The following CCDC167 variants were observed in gnomAD, a reference collection of about 807,000 sequenced individuals.
The protein encoded by CCDC167 is coiled-coil domain-containing protein 167.
In CCDC167, 15 loss-of-function variants were observed where a neutral mutation model predicts 12.7. That is an observed-to-expected ratio of 1.18 (90% CI 0.79 to 1.81). CCDC167 has a LOEUF of 1.81. CCDC167 is among the 40% of genes most tolerant of loss of function. The pLI is 0.00. For synonymous variants in CCDC167, 52 were observed against 49.0 expected, an observed-to-expected ratio of 1.06 and a Z score of -0.26; for missense variants, 121 against 120.1, an observed-to-expected ratio of 1.01 and a Z score of -0.03.
At chr6:37,498,544 G>A (rs561143818) in intron 1 of CCDC167, among the ~76,000 whole-genome samples, 111 of 151,040 alleles carry the variant, frequency 7.3e-4, no homozygotes, top group African/African-American at 1.9e-3. Flanking sequence ...GATTCTGGCC[G>A]GCTGTGGTGG....
chr6:37,493,698 T>C (rs1485109192), intron 1 of CCDC167, among the ~76,000 whole-genome samples: 1 of 152,212 alleles, frequency 6.6e-6, no homozygotes, highest in African/African-American at 2.4e-5. Context: ...AGGTGGCGTC[T>C]AACCGCCTGC....
At chr6:37,498,155 T>A (rs1409756355) in intron 1 of CCDC167, among the ~76,000 whole-genome samples, 1 of 152,158 alleles carries the variant, frequency 6.6e-6, no homozygotes. Context: ...ATAATGAGGA[T>A]CAACTGTAGT....
chr6:37,490,851 C>G (rs951835121), intron 1 of CCDC167, among the ~76,000 whole-genome samples: 2 of 152,078 alleles, frequency 1.3e-5, no homozygotes, highest in Non-Finnish European at 2.9e-5. Flanking sequence ...CCCTGAGAGC[C>G]CATCAGACAG....
chr6:37,499,730 T>C lies in CCDC167; in HGVS notation c.42+92A>G. Reference sequence around the variant, plus strand: ...GTCGCCCTCTCATCCTACGCTTGGCTCCTCCTCCTATCTATAGCCCAGCCT... The same window carrying C: ...GTCGCCCTCTCATCCTACGCTTGGCCCCTCCTCCTATCTATAGCCCAGCCT... On this transcript the variant is annotated intron_variant, in intron 1 of 3. Coordinates refer to ENST00000373408, the MANE Select transcript of CCDC167 (RefSeq NM_138493.3). The C allele has an allele frequency of 2.9e-6, 4 of 1,400,028 alleles. No homozygotes were observed. In the South Asian group the frequency reaches 3.5e-5, roughly 12 times the overall value. The allele number at this position is 1,400,028 out of a possible 1,614,324, so 86.7% of individuals were successfully genotyped here. A position where few individuals can be genotyped will look rare whatever the true frequency, so the allele number is the denominator to read the frequency against.
intron 3 of CCDC167, among the ~76,000 whole-genome samples, chr6:37,483,797 T>C (rs986032075): frequency 2.6e-5 from 4 of 152,184 alleles, no homozygotes; most frequent in African/African-American, 9.7e-5. Context: ...GAGCAGAATC[T>C]AGGGACGCTA....
In CCDC167 at chr6:37,490,799, C is replaced by T. The variant is rs370482714; in HGVS notation, c.43-5605G>A. On this transcript the variant is annotated intron_variant, in intron 1 of 3. Coordinates refer to ENST00000373408, the MANE Select transcript of CCDC167 (RefSeq NM_138493.3). ...CAGGTGCCAAGAGCAGAAAGGGCTT[C>T]TTCATGCCCAGCGGCAGGGGCAGGG... is the stretch of plus-strand genomic sequence containing the variant. Among the ~76,000 whole-genome samples, 11 of 152,240 alleles carry T rather than the reference C, an allele frequency of 7.2e-5. No homozygotes were observed. The South Asian group carries it at 8.3e-4, about 11-fold the overall frequency.
At chr6:37,489,494 G>A (rs1219785868) in intron 1 of CCDC167, among the ~76,000 whole-genome samples, 2 of 152,222 alleles carry the variant, frequency 1.3e-5, no homozygotes, top group Non-Finnish European at 2.9e-5. Flanking sequence ...AAGCTGGGGT[G>A]GGCCTCTGGA....
intron 2 of CCDC167, 57 bp from the exon 3 acceptor site, chr6:37,484,919 G>GT (rs1761921794): frequency 6.2e-7 from 1 of 1,606,312 alleles, no homozygotes; most frequent in Non-Finnish European, 8.5e-7. Context: ...CCACCCGAGG[G>GT]GCAGCTGGCA....
chr6:37,490,847 GA>G (rs1347029271), intron 1 of CCDC167, among the ~76,000 whole-genome samples: 1 of 152,094 alleles, frequency 6.6e-6, no homozygotes, highest in African/African-American at 2.4e-5. Context: ...GCCTCCCTGA[GA>G]GCCCATCAGA....
intron 3 of CCDC167, among the ~76,000 whole-genome samples, chr6:37,484,011 G>A (rs1371813659): frequency 6.6e-6 from 1 of 152,224 alleles, no homozygotes; most frequent in African/African-American, 2.4e-5. Flanking sequence ...ATCCCTGTCT[G>A]TGCTGGGCAG....
At chr6:37,487,774 A>G (rs529376130) in intron 1 of CCDC167, among the ~76,000 whole-genome samples, 2 of 152,360 alleles carry the variant, frequency 1.3e-5, no homozygotes, top group South Asian at 4.1e-4. Flanking sequence ...CTCTGGGCAG[A>G]GCCTGCGGAG....
intron 3 of CCDC167, 23 bp from the exon 4 acceptor site, chr6:37,483,312 G>A: frequency 6.5e-7 from 1 of 1,542,990 alleles, no homozygotes. Context: ...AGGGTGATAG[G>A]GATAGGACAG....
intron 1 of CCDC167, among the ~76,000 whole-genome samples, chr6:37,495,144 A>C (rs1762083872): frequency 6.6e-6 from 1 of 152,188 alleles, no homozygotes; most frequent in Non-Finnish European, 1.5e-5. Flanking sequence ...CATTTGCTTA[A>C]ATCATTGAGG....
In CCDC167 at chr6:37,482,971, G is replaced by C. The variant is rs1457403669; in HGVS notation, c.*215C>G. 1 of 621,002 alleles carries C rather than the reference G, an allele frequency of 1.6e-6. No homozygotes were observed. Among genetic ancestry groups the C allele is most frequent in the Non-Finnish European group, 3.0e-6 (1 of 331,328 alleles). 38.5% of individuals were successfully genotyped at this position (621,002 alleles called of 1,614,324 possible). On this transcript the variant is annotated 3_prime_UTR_variant, in exon 4 of 4. Coordinates refer to ENST00000373408, the MANE Select transcript of CCDC167 (RefSeq NM_138493.3). ...GTGTTCTTTATTGCCTCTCCCTTGGGCTAAGGGAGGGACCAGCACCATGTC... is the reference window on the plus strand; with the variant it reads ...GTGTTCTTTATTGCCTCTCCCTTGGCCTAAGGGAGGGACCAGCACCATGTC...
chr6:37,484,678 G>T, intron 3 of CCDC167, 132 bp downstream of exon 3: 1 of 997,382 alleles, frequency 1.0e-6, no homozygotes. Context: ...GGTGTCTGCA[G>T]CCTCTGGGGG....
intron 1 of CCDC167, among the ~76,000 whole-genome samples, chr6:37,488,734 G>T (rs566482052): frequency 6.6e-6 from 1 of 152,222 alleles, no homozygotes; most frequent in African/African-American, 2.4e-5. Context: ...GTTGACTCAC[G>T]TGTAAAACAA....
chr6:37,486,326 C>G (rs1761942255), intron 1 of CCDC167, among the ~76,000 whole-genome samples: 1 of 152,206 alleles, frequency 6.6e-6, no homozygotes. Flanking sequence ...GTTCTCTGCC[C>G]CATTCGCTTC....
rs1450841813 is a variant in CCDC167, at chr6:37,499,837, C to T, written c.27G>A (p.Leu9=). ...TTCCCCTCACCTCTAGAGCGACGCCCAGATTCTCCCGCTTCTTTTTAGTCA... is the reference window on the plus strand; with the variant it reads ...TTCCCCTCACCTCTAGAGCGACGCCTAGATTCTCCCGCTTCTTTTTAGTCA... MTKKKREN[L]GVALEIDGLE... Residue 9 remains leucine (L), a synonymous_variant, in exon 1 of 4, where the codon CTG becomes CTA. Coordinates refer to ENST00000373408, the MANE Select transcript of CCDC167 (RefSeq NM_138493.3). 1 of 1,614,172 alleles carries T rather than the reference C, an allele frequency of 6.2e-7. No individual in the cohort carries two copies. Among genetic ancestry groups the T allele is most frequent in the East Asian group, 2.2e-5 (1 of 44,890 alleles).
At chr6:37,493,795 T>C (rs1762061425) in intron 1 of CCDC167, among the ~76,000 whole-genome samples, 1 of 152,068 alleles carries the variant, frequency 6.6e-6, no homozygotes, top group Admixed American at 6.5e-5. Context: ...GTTCAGCAAA[T>C]ATTTATTGAC....
Sources: gnomAD v4.1 joint callset for allele counts (sites outside exome capture counted in the v4.1 genomes callset) on GRCh38, gnomAD v4.1.1 for gene constraint, MANE v1.5 for transcripts, NCBI Gene and HGNC (gene_info 2026-07-23, HGNC 2026-07-21) for gene names.